The following STARD9 variants were observed in gnomAD, a reference collection of about 807,000 sequenced individuals.
STARD9 encodes the protein stAR-related lipid transfer protein 9.
STARD9 carries 346 observed loss-of-function variants against 399.8 expected under a neutral mutation model. That is an observed-to-expected ratio of 0.87 (90% CI 0.79 to 0.95). STARD9 has a LOEUF of 0.95. STARD9 is among the 40% of genes least tolerant of loss of function. STARD9 has a pLI of 0.00. For synonymous variants in STARD9, 2,203 were observed against 2,143.5 expected, an observed-to-expected ratio of 1.03 and a Z score of -0.77; for missense variants, 5,832 against 5,667.5, an observed-to-expected ratio of 1.03 and a Z score of -0.93.
rs1000430653 is a variant in STARD9 at position 42,694,565 on chromosome 15, G to A, written c.12802G>A (p.Ala4268Thr). 5.2e-6 allele frequency: 8 copies of A among 1,537,094 alleles called. No homozygotes were observed. In the African/African-American group the frequency reaches 9.6e-5, roughly 18 times the overall value. ...KAIETLRRER[A>T]ERLGNFCRTR... is the part of the protein sequence containing the mutation. ...CATTGAGACCCTCAGGAGAGAGCGG[G>A]CTGAGCGACTTGGGAACTTCTGCCG... The change falls in exon 24 of 33, where the codon GCT (alanine) becomes ACT (threonine). Residue 4268 changes from alanine (A) to threonine (T), a missense_variant. Around this residue, in one of 2 missense-constraint regions of STARD9, gnomAD observed 5,828 missense variants for 5,651.1 expected, o/e 1.03. Transcript: ENST00000290607.
In STARD9 at chr15:42,693,718, G is replaced by A. The variant is rs2060772204; in HGVS notation, c.12140G>A (p.Arg4047Lys). ...ASPEHCPLSG[R>K]EPSQWQSRTE... Reference sequence around the variant, plus strand: ...CCGGAGCATTGCCCACTGAGCGGTAGGGAGCCAAGTCAGTGGCAGAGCAGG... The same window carrying A: ...CCGGAGCATTGCCCACTGAGCGGTAAGGAGCCAAGTCAGTGGCAGAGCAGG... Residue 4047 changes from arginine to lysine, a missense_variant, in exon 23 of 33, where the codon AGG becomes AAG. Arg to Lys is a conservative substitution (Grantham distance 26, BLOSUM62 2). Coordinates refer to ENST00000290607, the MANE Select transcript of STARD9 (RefSeq NM_020759.3). 3 of 1,536,930 alleles carry A rather than the reference G, an allele frequency of 2.0e-6. No homozygotes were observed. Among genetic ancestry groups the A allele is most frequent in the South Asian group, 1.2e-5 (1 of 84,068 alleles).
chr15:42,651,283 T>C (rs545197625), intron 8 of STARD9, among the ~76,000 whole-genome samples, 198 bp downstream of exon 8: 1 of 152,304 alleles, frequency 6.6e-6, no homozygotes, highest in South Asian at 2.1e-4. Context: ...TTCTCACTAG[T>C]AATGAAGCTG....
chr15:42,684,226 A>G lies in STARD9; in HGVS notation c.2648A>G (p.Tyr883Cys). Residue 883 changes from tyrosine (Y) to cysteine (C), a missense_variant, in exon 23 of 33, where the codon TAC (tyrosine) becomes TGC (cysteine). Coordinates refer to ENST00000290607, the MANE Select transcript of STARD9 (RefSeq NM_020759.3). ...SEEHLPQAAS[Y>C]PARTGCLRKN... Reference sequence around the variant, plus strand: ...GAGCATTTGCCACAGGCTGCTTCCTACCCTGCAAGGACAGGGTGCCTCCGC... The same window carrying G: ...GAGCATTTGCCACAGGCTGCTTCCTGCCCTGCAAGGACAGGGTGCCTCCGC... 2 of 1,537,246 alleles carry G rather than the reference A, an allele frequency of 1.3e-6. No individual in the cohort carries two copies. The highest frequency in any genetic ancestry group is 1.7e-6 in the Non-Finnish European group (2 of 1,146,910).
At chr15:42,584,269 C>T (rs757902603) in intron 2 of STARD9, among the ~76,000 whole-genome samples, 14 of 152,180 alleles carry the variant, frequency 9.2e-5, no homozygotes, top group South Asian at 4.1e-4. Flanking sequence ...TGTGTTTCCT[C>T]TTGTCATTAG....
intron 9 of STARD9, among the ~76,000 whole-genome samples, chr15:42,653,791 A>G (rs1181770872): frequency 6.6e-6 from 1 of 152,184 alleles, no homozygotes; most frequent in Non-Finnish European, 1.5e-5. Flanking sequence ...TCTGGGAATG[A>G]TAAATGTGTG....
chr15:42,664,618 C>T (rs1566915453), intron 13 of STARD9, among the ~76,000 whole-genome samples: 1 of 152,212 alleles, frequency 6.6e-6, no homozygotes, highest in Non-Finnish European at 1.5e-5. Context: ...CCTCCTACCT[C>T]AGCCTCCCAA....
intron 22 of STARD9, among the ~76,000 whole-genome samples, chr15:42,683,876 A>G (rs2060487869): frequency 6.6e-6 from 1 of 152,204 alleles, no homozygotes; most frequent in South Asian, 2.1e-4. Flanking sequence ...CTTTCCCTAC[A>G]AGTGTGATTA....
intron 26 of STARD9, among the ~76,000 whole-genome samples, chr15:42,711,877 C>G (rs1158383716): frequency 6.7e-6 from 1 of 148,590 alleles, no homozygotes. Flanking sequence ...AACTGCCAGA[C>G]TGTTTTTCAC....
intron 23 of STARD9, 75 bp from the exon 24 acceptor site, chr15:42,694,453 C>T (rs1255230351): frequency 1.3e-6 from 2 of 1,521,920 alleles, no homozygotes; most frequent in East Asian, 2.4e-5. Flanking sequence ...TCTCTGGGAT[C>T]TTCCAGGGGT....
chr15:42,693,130 C>T lies in STARD9; in HGVS notation c.11552C>T (p.Ser3851Leu), dbSNP rs2060753935. 8 of 1,537,202 alleles carry T rather than the reference C, an allele frequency of 5.2e-6. No homozygotes were observed. Among genetic ancestry groups the T allele is most frequent in the Middle Eastern group, 1.7e-4 (1 of 5,990 alleles). Residue 3851 changes from serine to leucine, a missense_variant, in exon 23 of 33, where the codon TCA becomes TTA. Physicochemically the swap from Ser to Leu is moderately radical, Grantham distance 145. Coordinates refer to ENST00000290607, the MANE Select transcript of STARD9 (RefSeq NM_020759.3). Reference sequence around the variant, plus strand: ...CCTCCCAGCTCCCAGCCAGAGGAGTCATATTGCTTAGTTGTCAGCAGTCCC... The same window carrying T: ...CCTCCCAGCTCCCAGCCAGAGGAGTTATATTGCTTAGTTGTCAGCAGTCCC... Reference protein sequence around the residue: ...FLPPSSQPEESYCLVVSSPSP... With the variant: ...FLPPSSQPEELYCLVVSSPSP...
At chr15:42,719,331 G>C in intron 32 of STARD9, 142 bp from the exon 33 acceptor site, 1 of 618,984 alleles carries the variant, frequency 1.6e-6, no homozygotes, top group South Asian at 1.9e-5. Flanking sequence ...GGATGGCAGA[G>C]CCCAGGGGCC....
chr15:42,601,905 T>C (rs553347907), intron 3 of STARD9, among the ~76,000 whole-genome samples: 1 of 152,344 alleles, frequency 6.6e-6, no homozygotes, highest in East Asian at 1.9e-4. Flanking sequence ...TGGAGTGCAG[T>C]GGTGCGATCT....
intron 1 of STARD9, among the ~76,000 whole-genome samples, chr15:42,576,130 A>T (rs1469375062): frequency 6.6e-6 from 1 of 152,152 alleles, no homozygotes; most frequent in Admixed American, 6.5e-5. Flanking sequence ...GGGAGTACCC[A>T]TGAGGACTGA....
At chr15:42,704,772 A>G (rs1046980164) in intron 26 of STARD9, among the ~76,000 whole-genome samples, 1 of 152,164 alleles carries the variant, frequency 6.6e-6, no homozygotes, top group Admixed American at 6.5e-5. Context: ...TTCATGCATA[A>G]TTCGGTCTCC....
chr15:42,675,623 A>G, intron 18 of STARD9, 41 bp from the exon 19 acceptor site: 2 of 1,455,052 alleles, frequency 1.4e-6, no homozygotes, highest in Non-Finnish European at 1.9e-6. Context: ...ACTCCAAAAC[A>G]TGAGCTGTTG....
At position 42,684,933 on chromosome 15, in the gene STARD9, G is replaced by T. The variant is rs2060514187; in HGVS notation, c.3355G>T (p.Ala1119Ser). Reference sequence around the variant, plus strand: ...TTCTCTCTCATGTGTCTATGCCAAAGCCCTGATAGAGCCACTGAAGCCAGA... The same window carrying T: ...TTCTCTCTCATGTGTCTATGCCAAATCCCTGATAGAGCCACTGAAGCCAGA... ...LDSLSCVYAK[A>S]LIEPLKPEER... The change falls in exon 23 of 33, where the codon GCC becomes TCC. Residue 1119 changes from alanine to serine, a missense_variant. Physicochemically the swap from Ala to Ser is moderately conservative, Grantham distance 99. Around this residue, in one of 2 missense-constraint regions of STARD9, gnomAD observed 5,828 missense variants for 5,651.1 expected, o/e 1.03. Transcript: ENST00000290607. 3.3e-6 allele frequency: 5 copies of T among 1,536,942 alleles called. No homozygotes were observed. The South Asian group carries it at 5.9e-5, about 18-fold the overall frequency.
Position 42,638,810 on chromosome 15 carries a change from A to G in STARD9, c.557A>G (p.Gln186Arg). The G allele has an allele frequency of 1.3e-6, 2 of 1,520,826 alleles. No individual in the cohort carries two copies. The highest frequency in any genetic ancestry group is 1.8e-6 in the Non-Finnish European group (2 of 1,134,978). 94.2% of individuals were successfully genotyped at this position (1,520,826 alleles called of 1,614,324 possible). The change falls in exon 7 of 33, where the codon CAA becomes CGA. Residue 186 changes from glutamine to arginine, a missense_variant and splice_region_variant. This residue lies in a region of STARD9 where 5,828 missense variants were observed against 5,651.1 expected (regional missense o/e 1.03). Transcript: ENST00000290607. ...CATCCAGAGATGGGGCCCTATGTAC[A>G]AGGTGAGCTACTGTGGTCCTGGAGA... ...REHPEMGPYV[Q>R]GLSQHVVTNY...
At chr15:42,589,747 C>T (rs2058357854) in intron 3 of STARD9, among the ~76,000 whole-genome samples, 1 of 151,894 alleles carries the variant, frequency 6.6e-6, no homozygotes, top group Non-Finnish European at 1.5e-5. Context: ...GCTGGGATTA[C>T]AGGCGCCTGC....
chr15:42,678,235 G>A (rs908509597), intron 20 of STARD9, among the ~76,000 whole-genome samples: 1 of 152,168 alleles, frequency 6.6e-6, no homozygotes, highest in Non-Finnish European at 1.5e-5. Context: ...ATTGTCAGCT[G>A]GGCTCCCAGT....
Sources: allele counts gnomAD v4.1 joint callset (sites outside exome capture counted in the v4.1 genomes callset), GRCh38; gene constraint gnomAD v4.1.1; regional missense constraint gnomAD v4.1.1; transcripts MANE v1.5; gene names NCBI Gene and HGNC (gene_info 2026-07-23, HGNC 2026-07-21).